UGT2A2: variants seen among roughly 807,000 people sequenced by gnomAD.
UGT2A2 encodes UDP-glucuronosyltransferase 2A2.
A neutral mutation model predicts 50.7 loss-of-function variants in UGT2A2; 60 were observed. The ratio of observed to expected loss-of-function variants is 1.18; its 90% CI spans 0.96 to 1.47. UGT2A2 has a LOEUF of 1.47. Among genes scored for constraint, UGT2A2 ranks in the 40% most tolerant of loss-of-function variants. The pLI, the probability that UGT2A2 is intolerant of heterozygous loss-of-function variation, is 0.00. For missense variants in UGT2A2, 762 were observed against 634.0 expected, an observed-to-expected ratio of 1.20 and a Z score of -2.17; for synonymous variants, 242 against 214.6, an observed-to-expected ratio of 1.13 and a Z score of -1.11.
chr4:69,626,740 T>C (rs1312496773), intron 1 of UGT2A2, among the ~76,000 whole-genome samples: 1 of 151,878 alleles, frequency 6.6e-6, no homozygotes, highest in Non-Finnish European at 1.5e-5. Flanking sequence ...ATTAAGAGAT[T>C]GCTTGTTCAT....
At chr4:69,616,295 A>T (rs527988522) in intron 1 of UGT2A2, among the ~76,000 whole-genome samples, 1 of 152,082 alleles carries the variant, frequency 6.6e-6, no homozygotes, top group East Asian at 1.9e-4. Flanking sequence ...TATAGTTAGA[A>T]TGAAAAAATC....
chr4:69,627,567 A>AG (rs1440272828), intron 1 of UGT2A2, among the ~76,000 whole-genome samples: 97 of 149,956 alleles, frequency 6.5e-4, no homozygotes, highest in African/African-American at 2.3e-3. Flanking sequence ...AGAGAGAGAG[A>AG]AAGAAAGAGA....
intron 1 of UGT2A2, among the ~76,000 whole-genome samples, chr4:69,611,878 A>G (rs186717914): frequency 6.6e-6 from 1 of 152,284 alleles, no homozygotes; most frequent in African/African-American, 2.4e-5. Context: ...CATTACACAT[A>G]CGCATTCACA....
intron 1 of UGT2A2, among the ~76,000 whole-genome samples, chr4:69,613,310 A>T (rs1720180296): frequency 6.6e-6 from 1 of 152,006 alleles, no homozygotes; most frequent in African/African-American, 2.4e-5. Flanking sequence ...TGAACGAGGC[A>T]TTATCAAATA....
chr4:69,637,174 G>A (rs995352817), intron 1 of UGT2A2, among the ~76,000 whole-genome samples: 24 of 152,032 alleles, frequency 1.6e-4, no homozygotes, highest in African/African-American at 5.3e-4. Context: ...AAGAAACTAC[G>A]GTTAAATTAT....
rs927347988 is a variant in UGT2A2 at position 69,593,737 on chromosome 4, A to G, written c.1331+740T>C. On this transcript the variant is annotated intron_variant, in intron 5 of 5. Coordinates refer to ENST00000604629, the MANE Select transcript of UGT2A2 (RefSeq NM_001105677.2). ...CTATATCTTTTCTCTCTGTGTGTAT[A>G]CATATACTAATTAAAGGTATCGAAT... is the stretch of plus-strand genomic sequence containing the variant. Among the ~76,000 whole-genome samples the G allele has an allele frequency of 2.6e-5, 4 of 151,872 alleles. No homozygotes were observed. In the East Asian group the frequency reaches 7.7e-4, roughly 29 times the overall value.
At chr4:69,636,175 C>A (rs973798981) in intron 1 of UGT2A2, among the ~76,000 whole-genome samples, 49 of 152,104 alleles carry the variant, frequency 3.2e-4, no homozygotes, top group Admixed American at 3.1e-3. Context: ...CATATCATTT[C>A]TCAAGTCTGT....
chr4:69,632,118 T>A (rs914937019), intron 1 of UGT2A2, among the ~76,000 whole-genome samples: 1 of 152,196 alleles, frequency 6.6e-6, no homozygotes, highest in African/African-American at 2.4e-5. Context: ...CCTATGTGTT[T>A]ATTTTCAATA....
At chr4:69,608,336 T>C (rs935762578) in intron 1 of UGT2A2, among the ~76,000 whole-genome samples, 2 of 146,068 alleles carry the variant, frequency 1.4e-5, no homozygotes, top group African/African-American at 5.1e-5. Context: ...AAACAAACAC[T>C]GCATGTTCTC....
At chr4:69,598,805 G>T (rs1301002817) in intron 2 of UGT2A2, among the ~76,000 whole-genome samples, 2 of 151,880 alleles carry the variant, frequency 1.3e-5, no homozygotes, top group African/African-American at 4.8e-5. Flanking sequence ...TTATTTCATT[G>T]TCTTTCTTCA....
intron 5 of UGT2A2, among the ~76,000 whole-genome samples, chr4:69,593,222 G>T (rs1001790306): frequency 6.6e-6 from 1 of 151,898 alleles, no homozygotes; most frequent in Non-Finnish European, 1.5e-5. Flanking sequence ...AATCAGTCAA[G>T]AAATAAATCC....
rs1195343492 is a variant in UGT2A2, at chr4:69,599,392, T to C, written c.745A>G (p.Arg249Gly). The C allele has an allele frequency of 3.7e-6, 6 of 1,612,300 alleles. No individual in the cohort carries two copies. The highest frequency in any genetic ancestry group is 1.3e-5 in the African/African-American group (1 of 74,804). ...WNSYYSKILG[R>G]PTTLCETMGK... ...ATAGTCTCACATAACGTAGTGGGTC[T>C]TCCTGGAGAAAATGTAACAAGTTGG... The change falls in exon 2 of 6, where the codon AGA becomes GGA. Residue 249 changes from arginine (R) to glycine (G), a missense_variant and splice_region_variant. Coordinates refer to ENST00000604629, the MANE Select transcript of UGT2A2 (RefSeq NM_001105677.2).
chr4:69,596,436 A>G (rs753668491), intron 2 of UGT2A2, 55 bp from the exon 3 acceptor site: 1 of 1,425,330 alleles, frequency 7.0e-7, no homozygotes, highest in African/African-American at 1.5e-5. Flanking sequence ...AGAAAAAATA[A>G]GTTTACTTAC....
chr4:69,610,670 T>A (rs1324118678), intron 1 of UGT2A2, among the ~76,000 whole-genome samples: 1 of 152,172 alleles, frequency 6.6e-6, no homozygotes, highest in Non-Finnish European at 1.5e-5. Context: ...CCATTATGAC[T>A]AGTGTCCTTC....
At position 69,613,948 on chromosome 4, in the gene UGT2A2, C is replaced by T. The variant is rs115649055; in HGVS notation, c.743-14554G>A. 3.7e-3 allele frequency among the ~76,000 whole-genome samples: 560 copies of T among 152,094 alleles called. 5 individuals are homozygous for T. The highest frequency in any genetic ancestry group is 0.013 in the African/African-American group (539 of 41,530). On this transcript the variant is annotated intron_variant, in intron 1 of 5. Coordinates refer to ENST00000604629, the MANE Select transcript of UGT2A2 (RefSeq NM_001105677.2). Reference sequence around the variant, plus strand: ...AGGATATGTGCTTTCACAACTTTTACTTAACATCATAGTAGTAGTCCTAGC... The same window carrying T: ...AGGATATGTGCTTTCACAACTTTTATTTAACATCATAGTAGTAGTCCTAGC...
chr4:69,596,389 CATAAT>C lies in UGT2A2; in HGVS notation c.892-13_892-9del. On this transcript the variant is annotated splice_polypyrimidine_tract_variant and intron_variant, in intron 2 of 5. Coordinates refer to ENST00000604629, the MANE Select transcript of UGT2A2 (RefSeq NM_001105677.2). ...GATAAATTCTTCCATTTCCTGCATA[CATAAT>C]ATATTTTCTATTACAAAGGTGTAGC... The C allele has an allele frequency of 6.4e-7, 1 of 1,561,880 alleles. No homozygotes were observed. The highest frequency in any genetic ancestry group is 2.3e-5 in the East Asian group (1 of 43,340).
chr4:69,625,845 A>T (rs1721023730), intron 1 of UGT2A2, among the ~76,000 whole-genome samples: 1 of 151,612 alleles, frequency 6.6e-6, no homozygotes, highest in African/African-American at 2.4e-5. Flanking sequence ...GTTGTCCAAC[A>T]TAATATCAAA....
intron 1 of UGT2A2, among the ~76,000 whole-genome samples, chr4:69,632,890 A>C (rs1387869403): frequency 1.3e-5 from 2 of 151,952 alleles, no homozygotes; most frequent in African/African-American, 4.8e-5. Context: ...TCGGTCAAAA[A>C]AAAAAAAAAA....
Position 69,603,197 on chromosome 4 carries a change from C to A in UGT2A2, c.743-3803G>T, listed in dbSNP as rs955070991. Among the ~76,000 whole-genome samples, 3 of 135,372 alleles carry A rather than the reference C, an allele frequency of 2.2e-5. 1 individual carries two copies. Among genetic ancestry groups the A allele is most frequent in the Admixed American group, 2.2e-4 (3 of 13,812 alleles). 88.8% of individuals were successfully genotyped at this position (135,372 alleles called of 152,430 possible). A position where few individuals can be genotyped will look rare whatever the true frequency, so the allele number is the denominator to read the frequency against. On this transcript the variant is annotated intron_variant, in intron 1 of 5. Transcript: ENST00000604629. The stretch of plus-strand genomic sequence containing the variant: ...AAAATCCATACGGAAAAGCAAAGAG[C>A]CAAAAATAATCAAGGAACTCCAGAT...
Sources: gnomAD v4.1 joint callset for allele counts (sites outside exome capture counted in the v4.1 genomes callset) on GRCh38, gnomAD v4.1.1 for gene constraint, MANE v1.5 for transcripts, NCBI Gene and HGNC (gene_info 2026-07-23, HGNC 2026-07-21) for gene names.